Variants in CCT8 observed in about 807,000 individuals in gnomAD.
The protein encoded by CCT8 is T-complex protein 1 subunit theta.
Under a neutral mutation model 65.7 loss-of-function variants are expected in CCT8, and 10 were observed. The observed-to-expected ratio is 0.15, with a 90% CI of 0.09 to 0.26. CCT8 has a LOEUF of 0.26. CCT8 is among the 10% of genes least tolerant of loss of function. The pLI, the probability that CCT8 is intolerant of heterozygous loss-of-function variation, is 1.00. For missense variants in CCT8, 568 were observed against 669.1 expected (o/e 0.85, Z 1.67); for synonymous variants, 199 against 221.8 (o/e 0.90, Z 0.92).
intron 7 of CCT8, 66 bp downstream of exon 7, chr21:29,064,902 G>C: frequency 5.7e-6 from 8 of 1,415,264 alleles, no homozygotes; most frequent in Non-Finnish European, 2.0e-6. Context: ...ACTGGTTTAA[G>C]AGCTAACTCA....
At chr21:29,057,237 T>C (rs2085508121) in intron 14 of CCT8, among the ~76,000 whole-genome samples, 1 of 151,248 alleles carries the variant, frequency 6.6e-6, no homozygotes, top group South Asian at 2.1e-4. Flanking sequence ...AGTGGCGCGA[T>C]CTTGGCTCAA....
chr21:29,072,187 C>CCTG, intron 1 of CCT8: 1 of 503,022 alleles, frequency 2.0e-6, no homozygotes, highest in Non-Finnish European at 3.5e-6. Flanking sequence ...CTGTCTATTC[C>CCTG]TGATCCTTCT....
intron 14 of CCT8, among the ~76,000 whole-genome samples, chr21:29,058,894 C>T (rs1163233539): frequency 1.3e-5 from 2 of 151,962 alleles, no homozygotes; most frequent in Non-Finnish European, 2.9e-5. Flanking sequence ...GCCTGGCCTC[C>T]AAGAATCTGT....
chr21:29,071,727 T>A (rs1360402966), intron 1 of CCT8, among the ~76,000 whole-genome samples: 7 of 152,118 alleles, frequency 4.6e-5, no homozygotes, highest in Non-Finnish European at 8.8e-5. Context: ...ATAAGAACTG[T>A]TATTCCAGCA....
At chr21:29,073,271 C>T in intron 1 of CCT8, 1 of 1,347,128 alleles carries the variant, frequency 7.4e-7, no homozygotes, top group Non-Finnish European at 9.6e-7. Flanking sequence ...CGCGGCTTCA[C>T]ATCCGTCCAC....
rs56903318 is a variant in CCT8, at chr21:29,066,448, G to C, written c.624+268C>G. Among the ~76,000 whole-genome samples, 1,051 of 152,128 alleles carry C rather than the reference G, an allele frequency of 6.9e-3. 9 individuals carry two copies. The highest frequency in any genetic ancestry group is 0.024 in the African/African-American group (1,005 of 41,502). On this transcript the variant is annotated intron_variant, in intron 6 of 14. Coordinates refer to ENST00000286788, the MANE Select transcript of CCT8 (RefSeq NM_006585.4). ...CCAGCTACTCGGGAGGCTGGGACTG[G>C]AGAATCACTTGAACCGGGAGGCGGA... is the stretch of plus-strand genomic sequence containing the variant.
intron 14 of CCT8, among the ~76,000 whole-genome samples, chr21:29,058,460 C>A (rs564756523): frequency 6.6e-6 from 1 of 152,068 alleles, no homozygotes; most frequent in East Asian, 1.9e-4. Context: ...AAGAAACAAA[C>A]ACTAAAACAA....
intron 8 of CCT8, chr21:29,062,808 G>A: frequency 2.0e-6 from 1 of 500,742 alleles, no homozygotes; most frequent in South Asian, 2.9e-5. Flanking sequence ...CTAGAATTGG[G>A]AGAATGGAAG....
At position 29,062,006 on chromosome 21, in the gene CCT8, C is replaced by T. The variant is rs182596182; in HGVS notation, c.1212+122G>A. ...TAGGTAAAAACAAAAACAGGTGCTT[C>T]ATTTCATATAAACCACTCATTCTGA... On this transcript the variant is annotated intron_variant, in intron 11 of 14. Coordinates refer to ENST00000286788, the MANE Select transcript of CCT8 (RefSeq NM_006585.4). The T allele has an allele frequency of 4.4e-3, 2,993 of 676,994 alleles. 11 individuals are homozygous for T. The highest frequency in any genetic ancestry group is 5.3e-3 in the Non-Finnish European group (2,060 of 386,004). 41.9% of individuals were successfully genotyped at this position (676,994 alleles called of 1,614,324 possible).
At chr21:29,070,100 A>C (rs1481584799) in intron 2 of CCT8, 147 bp downstream of exon 2, 3 of 480,500 alleles carry the variant, frequency 6.2e-6, no homozygotes, top group African/African-American at 6.0e-5. Flanking sequence ...AAAATTAGAA[A>C]TAACTAAAAA....
chr21:29,066,523 G>A (rs1203682981), intron 6 of CCT8, among the ~76,000 whole-genome samples, 193 bp downstream of exon 6: 1 of 152,196 alleles, frequency 6.6e-6, no homozygotes, highest in Non-Finnish European at 1.5e-5. Context: ...TGGGCAACAA[G>A]AGCGAGACTC....
At chr21:29,058,533 C>T (rs1428305344) in intron 14 of CCT8, among the ~76,000 whole-genome samples, 1 of 152,128 alleles carries the variant, frequency 6.6e-6, no homozygotes, top group Non-Finnish European at 1.5e-5. Context: ...ACTGCTAGGC[C>T]TCTTCCAGCA....
chr21:29,070,408 A>AT (rs762794344), intron 1 of CCT8, 71 bp from the exon 2 acceptor site: 2 of 885,118 alleles, frequency 2.3e-6, no homozygotes, highest in South Asian at 3.2e-5. Flanking sequence ...CAAATACAAG[A>AT]TATCTTTGCT....
intron 14 of CCT8, among the ~76,000 whole-genome samples, chr21:29,057,784 G>GATATGTATGATATAT: frequency 7.4e-6 from 1 of 136,020 alleles, no homozygotes; most frequent in Non-Finnish European, 1.6e-5. Context: ...ATATATATGA[G>GATATGTATGATATAT]ATATGTATGA....
Position 29,060,672 on chromosome 21 carries a change from A to G in CCT8, c.1450-12T>C, listed in dbSNP as rs1276244292. 6.2e-7 allele frequency: 1 copy of G among 1,610,622 alleles called. No homozygotes were observed. The highest frequency in any genetic ancestry group is 1.1e-5 in the South Asian group (1 of 90,388). On this transcript the variant is annotated splice_polypyrimidine_tract_variant and intron_variant, in intron 13 of 14. Coordinates refer to ENST00000286788, the MANE Select transcript of CCT8 (RefSeq NM_006585.4). ...GCAGGGACTTCAGCCTGTCAAACAC[A>G]ATTTTCATCCTTTCATTTAAAATCC...
intron 2 of CCT8, among the ~76,000 whole-genome samples, 181 bp from the exon 3 acceptor site, chr21:29,069,683 T>C (rs1047189598): frequency 1.3e-5 from 2 of 152,218 alleles, no homozygotes; most frequent in Non-Finnish European, 2.9e-5. Flanking sequence ...ATTCTCTGAC[T>C]GCAGACCCAT....
Position 29,060,644 on chromosome 21 carries a change from A to G in CCT8, c.1466T>C (p.Val489Ala), listed in dbSNP as rs747897329. 1.2e-5 allele frequency: 20 copies of G among 1,613,354 alleles called. No individual in the cohort carries two copies. The highest frequency in any genetic ancestry group is 9.9e-5 in the South Asian group (9 of 90,964). ...GLDIEAEVPA[V>A]KDMLEAGILD... ...AATACCAGCTTCCAGCATGTCCTTT[A>G]CAGCAGGGACTTCAGCCTGTCAAAC... The change falls in exon 14 of 15, where the codon GTA becomes GCA. Residue 489 changes from valine (V) to alanine (A), a missense_variant. By Grantham distance (64) the Val-to-Ala change is moderately conservative. Transcript: ENST00000286788.
In CCT8 at chr21:29,056,370, C is replaced by A; in HGVS notation, c.*105G>T. On this transcript the variant is annotated 3_prime_UTR_variant, in exon 15 of 15. Coordinates refer to ENST00000286788, the MANE Select transcript of CCT8 (RefSeq NM_006585.4). ...TTATTATAACATCCAGCCAAGAATA[C>A]AAACACAAAATAACTCTTAATTTAA... 1.8e-6 allele frequency: 1 copy of A among 569,858 alleles called. No individual in the cohort carries two copies. 35.3% of individuals were successfully genotyped at this position (569,858 alleles called of 1,614,324 possible).
chr21:29,060,729 G>C, intron 13 of CCT8, 69 bp from the exon 14 acceptor site: 1 of 1,510,050 alleles, frequency 6.6e-7, no homozygotes, highest in East Asian at 2.3e-5. Context: ...CCCACAAAAA[G>C]CCTCACATAG....
Sources: allele counts gnomAD v4.1 joint callset (sites outside exome capture counted in the v4.1 genomes callset), GRCh38; gene constraint gnomAD v4.1.1; transcripts MANE v1.5; gene names NCBI Gene and HGNC (gene_info 2026-07-23, HGNC 2026-07-21).